Variants in XPNPEP1 observed in about 807,000 individuals in gnomAD.
The protein encoded by XPNPEP1 is xaa-Pro aminopeptidase 1.
XPNPEP1 carries 39 observed loss-of-function variants against 92.4 expected under a neutral mutation model. The observed-to-expected ratio is 0.42, with a 90% CI of 0.33 to 0.55. The LOEUF (loss-of-function observed/expected upper bound fraction) is 0.55, where lower values mean the gene tolerates loss of function less well. Ranked by LOEUF, XPNPEP1 falls within the 20% of genes least tolerant of loss-of-function variation. The pLI, the probability that XPNPEP1 is intolerant of heterozygous loss-of-function variation, is 0.08. For synonymous variants in XPNPEP1, 307 were observed against 299.4 expected, an observed-to-expected ratio of 1.03 and a Z score of -0.26; for missense variants, 654 against 856.1, an observed-to-expected ratio of 0.76 and a Z score of 2.95.
Position 109,870,016 on chromosome 10 carries a change from A to G in XPNPEP1, c.1710T>C (p.Tyr570=). The change falls in exon 19 of 21, where the codon TAT becomes TAC. Residue 570 remains tyrosine, a synonymous_variant. Coordinates refer to ENST00000502935, the MANE Select transcript of XPNPEP1 (RefSeq NM_020383.4). ...GMIVTDEPGY[Y]EDGAFGIRIE... ...TGCGAATTCCAAAAGCCCCATCTTC[A>G]TAGTACCCGGGCTCTAAAACAAACC... 3 of 1,614,156 alleles carry G rather than the reference A, an allele frequency of 1.9e-6. No homozygotes were observed. The highest frequency in any genetic ancestry group is 1.1e-5 in the South Asian group (1 of 91,080).
chr10:109,923,439 G>C lies in XPNPEP1; in HGVS notation c.-6C>G. 1 of 1,438,630 alleles carries C rather than the reference G, an allele frequency of 7.0e-7. No homozygotes were observed. The highest frequency in any genetic ancestry group is 9.1e-7 in the Non-Finnish European group (1 of 1,095,228). 89.1% of individuals were successfully genotyped at this position (1,438,630 alleles called of 1,614,324 possible). ...GGCTTTCTGGAGGCTGCCATTCGGCGGTGACGTGCCCCAGCCCACGTCAGG... is the reference window on the plus strand; with the variant it reads ...GGCTTTCTGGAGGCTGCCATTCGGCCGTGACGTGCCCCAGCCCACGTCAGG... On this transcript the variant is annotated 5_prime_UTR_variant, in exon 1 of 21. Coordinates refer to ENST00000502935, the MANE Select transcript of XPNPEP1 (RefSeq NM_020383.4).
At chr10:109,893,578 C>T (rs1467245230) in intron 3 of XPNPEP1, 1 of 154,504 alleles carries the variant, frequency 6.5e-6, no homozygotes, top group Admixed American at 6.3e-5. Context: ...CAGACCCTGT[C>T]CCTTCCTGCT....
chr10:109,905,422 C>T (rs1006302770), intron 3 of XPNPEP1, among the ~76,000 whole-genome samples: 1 of 152,080 alleles, frequency 6.6e-6, no homozygotes, highest in Non-Finnish European at 1.5e-5. Flanking sequence ...GTTGGTCAGG[C>T]TGGTCTCCAA....
chr10:109,895,518 T>C (rs985154522), intron 3 of XPNPEP1, among the ~76,000 whole-genome samples: 1 of 152,156 alleles, frequency 6.6e-6, no homozygotes, highest in African/African-American at 2.4e-5. Flanking sequence ...ACCTAAGTGG[T>C]CAACATTCCA....
chr10:109,898,314 T>C (rs1849092007), intron 3 of XPNPEP1, among the ~76,000 whole-genome samples: 1 of 152,228 alleles, frequency 6.6e-6, no homozygotes, highest in Non-Finnish European at 1.5e-5. Context: ...CACTTATTGC[T>C]ATGAACTGCA....
Position 109,870,903 on chromosome 10 carries a change from A to C in XPNPEP1, c.1524T>G (p.Gly508=). 6.2e-7 allele frequency: 1 copy of C among 1,613,126 alleles called. No individual in the cohort carries two copies. Among genetic ancestry groups the C allele is most frequent in the Non-Finnish European group, 8.5e-7 (1 of 1,179,642 alleles). The change falls in exon 18 of 21, where the codon GGT becomes GGG. Residue 508 remains glycine (G), a splice_region_variant and synonymous_variant. Coordinates refer to ENST00000502935, the MANE Select transcript of XPNPEP1 (RefSeq NM_020383.4). ...AACGGGCAAAGGAGTCAAGAAGGTG[A>C]CCTGAAAGACATAAAGAGCCACTTA... ...SAAVFPTGTK[G]HLLDSFARSA...
At chr10:109,884,289 T>C (rs937480401) in intron 8 of XPNPEP1, 141 bp from the exon 9 acceptor site, 1 of 753,464 alleles carries the variant, frequency 1.3e-6, no homozygotes, top group Non-Finnish European at 2.1e-6. Context: ...GCTGGAAGCC[T>C]GACTCCCGTC....
chr10:109,923,416 CT>C lies in XPNPEP1; in HGVS notation c.17del (p.Lys6SerfsTer5). On this transcript the variant is annotated frameshift_variant, in exon 1 of 21. Transcript: ENST00000502935. LOFTEE classifies it high-confidence loss of function. MAASR[K>X]PPRVRVNHQD... ...AGTGCCCTCACCTTACTCGCGGTGG[CT>C]TTCTGGAGGCTGCCATTCGGCGGTG... 1 of 1,443,378 alleles carries C rather than the reference CT, an allele frequency of 6.9e-7. No individual in the cohort carries two copies. Among genetic ancestry groups the C allele is most frequent in the Non-Finnish European group, 9.1e-7 (1 of 1,098,340 alleles). The allele number at this position is 1,443,378 out of a possible 1,614,324, so 89.4% of individuals were successfully genotyped here. A position where few individuals can be genotyped will look rare whatever the true frequency, so the allele number is the denominator to read the frequency against.
In XPNPEP1 at chr10:109,912,935, C is replaced by G. The variant is rs551064798; in HGVS notation, c.121+2076G>C. Among the ~76,000 whole-genome samples, 4 of 152,306 alleles carry G rather than the reference C, an allele frequency of 2.6e-5. No homozygotes were observed. The East Asian group carries it at 7.7e-4, about 29-fold the overall frequency. ...GTCTCAATGAACAGTAATGAATCTT[C>G]AGTGACAGATAGGCTCTTGCAAGGT... On this transcript the variant is annotated intron_variant, in intron 2 of 20. Transcript: ENST00000502935.
intron 1 of XPNPEP1, among the ~76,000 whole-genome samples, chr10:109,918,125 C>A (rs1287311823): frequency 2.7e-5 from 4 of 150,344 alleles, no homozygotes; most frequent in East Asian, 1.9e-4. Flanking sequence ...AAAAAAAAAA[C>A]AAAAAAACAA....
intron 3 of XPNPEP1, among the ~76,000 whole-genome samples, chr10:109,907,179 C>G (rs78351430): frequency 6.6e-6 from 1 of 152,118 alleles, no homozygotes; most frequent in Non-Finnish European, 1.5e-5. Flanking sequence ...AACCATAAGC[C>G]TAGTGAGAGC....
intron 1 of XPNPEP1, among the ~76,000 whole-genome samples, chr10:109,919,419 C>T (rs1053952988): frequency 7.2e-5 from 11 of 152,052 alleles, no homozygotes; most frequent in African/African-American, 2.7e-4. Context: ...AAATCGAAAC[C>T]ACAATGTGAT....
At chr10:109,882,377 C>G in intron 10 of XPNPEP1, 55 bp downstream of exon 10, 1 of 1,579,228 alleles carries the variant, frequency 6.3e-7, no homozygotes, top group Non-Finnish European at 8.7e-7. Context: ...AAAGACAATA[C>G]CAGAACTGGG....
At chr10:109,905,618 G>A (rs55683820) in intron 3 of XPNPEP1, among the ~76,000 whole-genome samples, 22,452 of 152,078 alleles carry the variant, frequency 0.15, 2,068 homozygotes, top group East Asian at 0.41. Flanking sequence ...TTTGCAAGAC[G>A]AAAAAGTTCT....
At chr10:109,878,961 G>A (rs997794417) in intron 12 of XPNPEP1, among the ~76,000 whole-genome samples, 12 of 151,876 alleles carry the variant, frequency 7.9e-5, no homozygotes, top group Non-Finnish European at 1.5e-4. Flanking sequence ...AATAATTTAC[G>A]GCCAGGCACG....
chr10:109,887,518 C>T (rs1848458122), intron 7 of XPNPEP1, among the ~76,000 whole-genome samples: 1 of 152,178 alleles, frequency 6.6e-6, no homozygotes, highest in South Asian at 2.1e-4. Context: ...CACCTCCAGG[C>T]CTCTCTCTCT....
intron 18 of XPNPEP1, 54 bp from the exon 19 acceptor site, chr10:109,870,083 CAG>C (rs1847371158): frequency 6.3e-7 from 1 of 1,587,552 alleles, no homozygotes; most frequent in Non-Finnish European, 8.6e-7. Context: ...AAGATGTCTA[CAG>C]AGAGAAACTT....
chr10:109,869,663 G>A (rs1323234805), intron 19 of XPNPEP1, among the ~76,000 whole-genome samples: 1 of 152,080 alleles, frequency 6.6e-6, no homozygotes, highest in Non-Finnish European at 1.5e-5. Flanking sequence ...TCAGCCTGAG[G>A]GTCTGTGAAT....
chr10:109,893,227 A>G (rs920114280), intron 3 of XPNPEP1, 152 bp from the exon 4 acceptor site: 3 of 643,626 alleles, frequency 4.7e-6, no homozygotes, highest in Non-Finnish European at 5.5e-6. Context: ...AGCTGAAAAC[A>G]ACAGATTAGC....
Sources: allele counts gnomAD v4.1 joint callset (sites outside exome capture counted in the v4.1 genomes callset), GRCh38; gene constraint gnomAD v4.1.1; transcripts MANE v1.5; gene names NCBI Gene and HGNC (gene_info 2026-07-23, HGNC 2026-07-21).